PHF13: variants seen among roughly 807,000 people sequenced by gnomAD.
PHF13 encodes the protein PHD zinc finger protein PHF5.
A neutral mutation model predicts 25.8 loss-of-function variants in PHF13; 1 was observed. That is an observed-to-expected ratio of 0.04 (90% confidence interval 0.01 to 0.18). The LOEUF (loss-of-function observed/expected upper bound fraction) is 0.18. PHF13 is among the 10% of genes least tolerant of loss of function. PHF13 has a pLI of 1.00. For missense variants in PHF13, 306 were observed against 403.2 expected, an observed-to-expected ratio of 0.76 and a Z score of 2.06; for synonymous variants, 195 against 162.4, an observed-to-expected ratio of 1.20 and a Z score of -1.53.
intron 1 of PHF13, 125 bp from the exon 2 acceptor site, chr1:6,616,632 G>A: frequency 7.9e-6 from 6 of 763,056 alleles, no homozygotes; most frequent in Non-Finnish European, 1.4e-5. Context: ...TTTGTGGACT[G>A]TGTAAATCTA....
chr1:6,616,686 T>G, intron 1 of PHF13, 71 bp from the exon 2 acceptor site: 1 of 1,324,386 alleles, frequency 7.6e-7, no homozygotes, highest in African/African-American at 1.5e-5. Context: ...CCAGCTTACT[T>G]CCTTTTGTTT....
At chr1:6,614,155 C>G (rs767213382) in intron 1 of PHF13, 50 bp downstream of exon 1, 2 of 1,571,478 alleles carry the variant, frequency 1.3e-6, no homozygotes, top group South Asian at 1.1e-5. Flanking sequence ...CCTCCGCGAT[C>G]CTGCCGTCCT....
At chr1:6,614,976 C>T (rs1175230700) in intron 1 of PHF13, among the ~76,000 whole-genome samples, 1 of 151,472 alleles carries the variant, frequency 6.6e-6, no homozygotes, top group Non-Finnish European at 1.5e-5. Context: ...AGGGCCTCCC[C>T]AGGCCTGGGA....
Position 6,614,167 on chromosome 1 carries a change from A to G in PHF13, c.39+62A>G, listed in dbSNP as rs575693893. ...CCCCCTCCGCGATCCTGCCGTCCTC[A>G]GGCAGCCAGACCCCCGGTCGCCCGG... is the stretch of plus-strand genomic sequence containing the variant. On this transcript the variant is annotated intron_variant, in intron 1 of 3. Transcript: ENST00000377648. 240 of 1,456,738 alleles carry G rather than the reference A, an allele frequency of 1.6e-4. 1 individual carries two copies. In the South Asian group the frequency reaches 2.7e-3, roughly 17 times the overall value. The allele number at this position is 1,456,738 out of a possible 1,614,324, so 90.2% of individuals were successfully genotyped here.
intron 3 of PHF13, 86 bp downstream of exon 3, chr1:6,620,423 A>G: frequency 6.9e-7 from 1 of 1,456,204 alleles, no homozygotes; most frequent in Non-Finnish European, 9.3e-7. Context: ...TCTCTGGGGC[A>G]CAGGGTCTGG....
chr1:6,619,200 G>A (rs1324469345), intron 2 of PHF13, among the ~76,000 whole-genome samples: 1 of 152,212 alleles, frequency 6.6e-6, no homozygotes, highest in Admixed American at 6.5e-5. Context: ...AGGGAACAAT[G>A]AGCAGATAGG....
intron 2 of PHF13, 127 bp downstream of exon 2, chr1:6,616,985 C>T (rs1641270911): frequency 1.4e-6 from 1 of 698,628 alleles, no homozygotes; most frequent in African/African-American, 1.8e-5. Flanking sequence ...GTGGTGACCC[C>T]AGTCACTAGT....
chr1:6,620,730 C>CA (rs565749027), intron 3 of PHF13, among the ~76,000 whole-genome samples: 79 of 151,518 alleles, frequency 5.2e-4, no homozygotes, highest in African/African-American at 1.9e-3. Flanking sequence ...TGCAAAAATA[C>CA]AAAAAAAGGC....
At chr1:6,615,118 C>T (rs1450220527) in intron 1 of PHF13, among the ~76,000 whole-genome samples, 5 of 136,818 alleles carry the variant, frequency 3.7e-5, no homozygotes, top group Non-Finnish European at 8.0e-5. Flanking sequence ...ATCTGCTTTC[C>T]GAGGAGGCGG....
At chr1:6,616,191 G>C (rs1458623649) in intron 1 of PHF13, among the ~76,000 whole-genome samples, 2 of 151,956 alleles carry the variant, frequency 1.3e-5, no homozygotes, top group African/African-American at 4.8e-5. Flanking sequence ...ACCACGCCCG[G>C]CTAATTTTTG....
chr1:6,615,515 C>T (rs1641247682), intron 1 of PHF13, among the ~76,000 whole-genome samples: 2 of 152,098 alleles, frequency 1.3e-5, no homozygotes, highest in African/African-American at 2.4e-5. Context: ...ACGCCTGCTC[C>T]TCGCGGCGGG....
rs376963813 is a variant in PHF13, at chr1:6,620,106, G to A, written c.445G>A (p.Val149Met). Residue 149 changes from valine (V) to methionine (M), a missense_variant, in exon 3 of 4, where the codon GTG becomes ATG. Val to Met is a conservative substitution (Grantham distance 21, BLOSUM62 1). Transcript: ENST00000377648. ...GAAGCTGGAAGCCGCTGACCCCTAC[G>A]TGGAGACCCCCACGAGTCCCACCTT... ...LLKLEAADPY[V>M]ETPTSPTLQD... 9.4e-5 allele frequency: 151 copies of A among 1,613,598 alleles called. No homozygotes were observed. Among genetic ancestry groups the A allele is most frequent in the African/African-American group, 5.9e-4 (44 of 75,014 alleles).
chr1:6,618,763 G>A (rs896400231), intron 2 of PHF13, among the ~76,000 whole-genome samples: 1 of 152,082 alleles, frequency 6.6e-6, no homozygotes, highest in African/African-American at 2.4e-5. Context: ...CCCTGCTTCA[G>A]CCTCCCAAGT....
intron 2 of PHF13, among the ~76,000 whole-genome samples, chr1:6,618,500 T>C (rs1295680205): frequency 6.6e-6 from 1 of 152,322 alleles, no homozygotes; most frequent in East Asian, 1.9e-4. Context: ...GTAGTGATGC[T>C]CCTGCCTTGG....
At chr1:6,615,525 G>A (rs1641247873) in intron 1 of PHF13, among the ~76,000 whole-genome samples, 1 of 152,138 alleles carries the variant, frequency 6.6e-6, no homozygotes. Context: ...CTCGCGGCGG[G>A]AGGGGCGGCC....
At chr1:6,615,108 A>G (rs1317023419) in intron 1 of PHF13, among the ~76,000 whole-genome samples, 1 of 139,824 alleles carries the variant, frequency 7.2e-6, no homozygotes, top group African/African-American at 2.7e-5. Flanking sequence ...CCGCTCCGCC[A>G]TCTGCTTTCC....
Position 6,616,914 on chromosome 1 carries a change from C to T in PHF13, c.141+56C>T. The T allele has an allele frequency of 1.0e-5, 15 of 1,488,686 alleles. 1 individual carries two copies. The highest frequency in any genetic ancestry group is 1.3e-5 in the Non-Finnish European group (14 of 1,067,432). The allele number at this position is 1,488,686 out of a possible 1,614,324, so 92.2% of individuals were successfully genotyped here. A position where few individuals can be genotyped will look rare whatever the true frequency, so the allele number is the denominator to read the frequency against. On this transcript the variant is annotated intron_variant, in intron 2 of 3. Coordinates refer to ENST00000377648, the MANE Select transcript of PHF13 (RefSeq NM_153812.3). ...GATGAGTAGTCAAACCCAGTGCCTC[C>T]ACCGCAAGTTCGTGGGCTTCTGACT... is the stretch of plus-strand genomic sequence containing the variant.
intron 2 of PHF13, 23 bp from the exon 3 acceptor site, chr1:6,619,780 A>G: frequency 6.4e-7 from 1 of 1,566,538 alleles, no homozygotes. Context: ...AGTAACTGGA[A>G]TCTGCCACCT....
At chr1:6,614,145 C>A (rs1347849895) in intron 1 of PHF13, 40 bp downstream of exon 1, 7 of 1,587,960 alleles carry the variant, frequency 4.4e-6, no homozygotes, top group African/African-American at 1.4e-5. Flanking sequence ...CCGACCACCC[C>A]CTCCGCGATC....
Sources: allele counts gnomAD v4.1 joint callset (sites outside exome capture counted in the v4.1 genomes callset), GRCh38; gene constraint gnomAD v4.1.1; transcripts MANE v1.5; gene names NCBI Gene and HGNC (gene_info 2026-07-23, HGNC 2026-07-21).